MFN1: variants seen among roughly 807,000 people sequenced by gnomAD.
The protein encoded by MFN1 is mitofusin 1, also known as mitofusin-1.
Under a neutral mutation model 92.4 loss-of-function variants are expected in MFN1, and 65 were observed. That is an observed-to-expected ratio of 0.70 (90% CI 0.58 to 0.86). The LOEUF (loss-of-function observed/expected upper bound fraction) is 0.86, where lower values mean the gene tolerates loss of function less well. Ranked by LOEUF, MFN1 falls within the 40% of genes least tolerant of loss-of-function variation. The pLI, the probability that MFN1 is intolerant of heterozygous loss-of-function variation, is 0.00. For synonymous variants in MFN1, 297 were observed against 300.9 expected (o/e 0.99, Z 0.13); for missense variants, 781 against 868.0 (o/e 0.90, Z 1.26).
chr3:179,381,407 A>G (rs1030396272), intron 14 of MFN1, among the ~76,000 whole-genome samples: 3 of 152,242 alleles, frequency 2.0e-5, no homozygotes, highest in African/African-American at 7.2e-5. Context: ...TTTTTAATCA[A>G]AACATAACAT....
At chr3:179,367,954 T>A (rs1238889732) in intron 8 of MFN1, 82 bp from the exon 9 acceptor site, 6 of 588,962 alleles carry the variant, frequency 1.0e-5, no homozygotes, top group African/African-American at 2.1e-5. Flanking sequence ...ATATATATAT[T>A]TAAAATTATA....
At chr3:179,385,852 G>A (rs1163492493) in intron 15 of MFN1, 131 bp downstream of exon 15, 4 of 828,322 alleles carry the variant, frequency 4.8e-6, no homozygotes, top group Middle Eastern at 3.5e-4. Flanking sequence ...AAATTTGCAG[G>A]TTAAAAGTAG....
Position 179,348,682 on chromosome 3 carries a change from T to C in MFN1, c.-7-163T>C, listed in dbSNP as rs914791467. On this transcript the variant is annotated intron_variant, in intron 1 of 17. Transcript: ENST00000471841. ...AGTGAAATATCATTCAAAAGTCGTC[T>C]CTAACTGTCTGACTAGAACACTCCC... The C allele has an allele frequency of 1.1e-5, 11 of 1,043,868 alleles. No homozygotes were observed. In the African/African-American group the frequency reaches 1.7e-4, roughly 17 times the overall value. 64.7% of individuals were successfully genotyped at this position (1,043,868 alleles called of 1,614,324 possible).
chr3:179,374,449 CA>C (rs757704771), intron 9 of MFN1, among the ~76,000 whole-genome samples: 1 of 102,492 alleles, frequency 9.8e-6, no homozygotes, highest in Non-Finnish European at 1.9e-5. Context: ...AAAATTGAAA[CA>C]AATGTGAAAT....
chr3:179,357,952 C>T (rs541383682), intron 3 of MFN1, among the ~76,000 whole-genome samples: 11 of 152,162 alleles, frequency 7.2e-5, no homozygotes, highest in Non-Finnish European at 1.5e-5. Flanking sequence ...TGGAATGATT[C>T]AAAGACTAGG....
Position 179,394,210 on chromosome 3 carries a change from TCAGA to T in MFN1, c.*2155_*2158del, listed in dbSNP as rs1714007756. 6.6e-6 allele frequency: 1 copy of T among 151,914 alleles called. No individual in the cohort carries two copies. The highest frequency in any genetic ancestry group is 1.5e-5 in the Non-Finnish European group (1 of 68,014). 9.4% of individuals were successfully genotyped at this position (151,914 alleles called of 1,614,324 possible). ...TGGGTCTGAACCCAGACCTATGGAG[TCAGA>T]CAGTAGGTTTGAGGCCCAGCAATCT... On this transcript the variant is annotated 3_prime_UTR_variant, in exon 18 of 18. Coordinates refer to ENST00000471841, the MANE Select transcript of MFN1 (RefSeq NM_033540.3).
At chr3:179,354,370 C>G (rs982533081) in intron 3 of MFN1, among the ~76,000 whole-genome samples, 1 of 152,090 alleles carries the variant, frequency 6.6e-6, no homozygotes, top group Non-Finnish European at 1.5e-5. Flanking sequence ...TGTAAAAGAC[C>G]TTGTATTAAT....
At chr3:179,389,453 A>T (rs1713817540) in intron 16 of MFN1, among the ~76,000 whole-genome samples, 1 of 152,160 alleles carries the variant, frequency 6.6e-6, no homozygotes, top group Admixed American at 6.5e-5. Flanking sequence ...GTTAAAATAA[A>T]CTAAGTAAAT....
rs1207555015 is a variant in MFN1, at chr3:179,394,506, C to T, written c.*2447C>T. 2.0e-5 allele frequency: 3 copies of T among 148,710 alleles called. No homozygotes were observed. Among genetic ancestry groups the T allele is most frequent in the South Asian group, 2.1e-4 (1 of 4,684 alleles). 9.2% of individuals were successfully genotyped at this position (148,710 alleles called of 1,614,324 possible). On this transcript the variant is annotated 3_prime_UTR_variant, in exon 18 of 18. Transcript: ENST00000471841. Reference sequence around the variant, plus strand: ...TCTCGGCTCACTGCAAGCTCCGCCTCCCGGGTTCACGCCATTCTCCTGCCT... The same window carrying T: ...TCTCGGCTCACTGCAAGCTCCGCCTTCCGGGTTCACGCCATTCTCCTGCCT...
chr3:179,358,804 T>A (rs748361895), intron 3 of MFN1, 36 bp from the exon 4 acceptor site: 39 of 1,582,908 alleles, frequency 2.5e-5, no homozygotes, highest in Non-Finnish European at 3.1e-5. Context: ...TTTTTACTGT[T>A]ATGTTTTGTT....
chr3:179,359,235 C>T (rs796514224), intron 4 of MFN1, among the ~76,000 whole-genome samples: 10 of 152,238 alleles, frequency 6.6e-5, no homozygotes, highest in African/African-American at 1.9e-4. Flanking sequence ...ATTCTCCTGC[C>T]TCAGCCTCCC....
chr3:179,368,110 AT>A lies in MFN1; in HGVS notation c.975+11del. On this transcript the variant is annotated splice_region_variant and intron_variant, in intron 9 of 17. Transcript: ENST00000471841. ...TTTTGAACAAATCTTTGAGGTAGGA[AT>A]TTTGTGATTGTATTGCCTAATACAA... 1 of 1,554,390 alleles carries A rather than the reference AT, an allele frequency of 6.4e-7. No homozygotes were observed.
At chr3:179,357,966 G>A (rs1448147385) in intron 3 of MFN1, among the ~76,000 whole-genome samples, 1 of 152,086 alleles carries the variant, frequency 6.6e-6, no homozygotes, top group Non-Finnish European at 1.5e-5. Context: ...GACTAGGACT[G>A]TTGAGTAGAG....
At position 179,387,090 on chromosome 3, in the gene MFN1, A is replaced by AT. The variant is rs1294040146; in HGVS notation, c.2012+473dup. On this transcript the variant is annotated intron_variant, in intron 16 of 17. Coordinates refer to ENST00000471841, the MANE Select transcript of MFN1 (RefSeq NM_033540.3). ...GCCACCACACCAGGATAATTTTTTA[A>AT]TTTTTTTTTTTTCTTTGAGACAGGG... Among the ~76,000 whole-genome samples the AT allele has an allele frequency of 2.5e-3, 368 of 145,412 alleles. 2 individuals carry two copies. Among genetic ancestry groups the AT allele is most frequent in the African/African-American group, 7.3e-3 (292 of 39,844 alleles).
chr3:179,390,300 G>A (rs932327460), intron 17 of MFN1, among the ~76,000 whole-genome samples, 162 bp downstream of exon 17: 1 of 152,106 alleles, frequency 6.6e-6, no homozygotes. Context: ...TTCACCGAAG[G>A]TTTAAATGAA....
intron 15 of MFN1, among the ~76,000 whole-genome samples, chr3:179,386,110 A>G (rs1009480743): frequency 2.6e-5 from 4 of 152,226 alleles, no homozygotes; most frequent in African/African-American, 7.2e-5. Flanking sequence ...TGTTTCTTTA[A>G]AAAATGTATA....
Position 179,358,806 on chromosome 3 carries a change from T to C in MFN1, c.249-34T>C, listed in dbSNP as rs573390587. The stretch of plus-strand genomic sequence containing the variant: ...GAAAGAACTACTTTTTTTACTGTTA[T>C]GTTTTGTTTTTCATGATTTTGTATA... On this transcript the variant is annotated intron_variant, in intron 3 of 17. Transcript: ENST00000471841. 6.3e-6 allele frequency: 10 copies of C among 1,583,938 alleles called. No homozygotes were observed. The South Asian group carries it at 1.1e-4, about 18-fold the overall frequency.
At chr3:179,389,109 G>T (rs1713803366) in intron 16 of MFN1, among the ~76,000 whole-genome samples, 1 of 152,182 alleles carries the variant, frequency 6.6e-6, no homozygotes, top group Non-Finnish European at 1.5e-5. Context: ...GTAGAGAATG[G>T]TTACCAGGAG....
intron 14 of MFN1, among the ~76,000 whole-genome samples, chr3:179,382,621 G>C (rs1250535403): frequency 2.6e-5 from 4 of 152,294 alleles, no homozygotes; most frequent in African/African-American, 9.6e-5. Context: ...AGTATTTCTA[G>C]TTCTAGATCC....
Sources: gnomAD v4.1 joint callset for allele counts (sites outside exome capture counted in the v4.1 genomes callset) on GRCh38, gnomAD v4.1.1 for gene constraint, MANE v1.5 for transcripts, NCBI Gene and HGNC (gene_info 2026-07-23, HGNC 2026-07-21) for gene names.